Variants in TCAF1 observed in about 807,000 individuals in gnomAD.
TCAF1 encodes TRPM8 channel associated factor 1, also known as TRPM8 channel-associated factor 1.
A neutral mutation model predicts 27.3 loss-of-function variants in TCAF1; 4 were observed. The ratio of observed to expected loss-of-function variants is 0.15; its 90% CI spans 0.07 to 0.34. The LOEUF is 0.34. Ranked by LOEUF, TCAF1 falls within the 10% of genes least tolerant of loss-of-function variation. TCAF1 has a pLI of 1.00. For missense variants in TCAF1, 257 were observed against 425.8 expected (o/e 0.60, Z 3.49); for synonymous variants, 105 against 167.1 (o/e 0.63, Z 2.87).
chr7:143,880,719 G>A (rs1404820326), intron 1 of TCAF1, among the ~76,000 whole-genome samples: 1 of 152,158 alleles, frequency 6.6e-6, no homozygotes, highest in Non-Finnish European at 1.5e-5. Flanking sequence ...TTGTGCATCT[G>A]CCCATCTATA....
intron 1 of TCAF1, among the ~76,000 whole-genome samples, chr7:143,896,775 T>C (rs934911280): frequency 1.3e-5 from 2 of 151,810 alleles, no homozygotes; most frequent in Non-Finnish European, 2.9e-5. Context: ...ATATCAAAAC[T>C]TGTCAGATGT....
chr7:143,882,319 C>T, intron 1 of TCAF1: 1 of 853,484 alleles, frequency 1.2e-6, no homozygotes, highest in Non-Finnish European at 1.4e-6. Context: ...GGACAGTAGG[C>T]CACAAGTAAT....
intron 2 of TCAF1, among the ~76,000 whole-genome samples, chr7:143,875,258 A>C (rs1224799342): frequency 1.3e-5 from 2 of 152,204 alleles, no homozygotes; most frequent in African/African-American, 4.8e-5. Flanking sequence ...GGACTAATCC[A>C]GCTTATAATC....
chr7:143,896,995 T>C (rs1168063249), intron 1 of TCAF1, among the ~76,000 whole-genome samples: 2 of 150,600 alleles, frequency 1.3e-5, no homozygotes, highest in African/African-American at 4.8e-5. Flanking sequence ...ATGTAGACCA[T>C]GTTCTGGAAA....
intron 1 of TCAF1, among the ~76,000 whole-genome samples, chr7:143,883,655 G>A (rs1316217850): frequency 6.6e-6 from 1 of 151,874 alleles, no homozygotes. Flanking sequence ...ACAGGCGCCC[G>A]CCATCACGCC....
intron 1 of TCAF1, among the ~76,000 whole-genome samples, chr7:143,897,037 T>C (rs146719984): frequency 0.025 from 3,746 of 148,758 alleles, 82 homozygotes; most frequent in South Asian, 0.051. Context: ...TGTACACATA[T>C]TAACAATGAA....
At chr7:143,899,201 G>C (rs897100462) in intron 1 of TCAF1, among the ~76,000 whole-genome samples, 2 of 152,164 alleles carry the variant, frequency 1.3e-5, no homozygotes, top group African/African-American at 4.8e-5. Context: ...TGGAGAACTT[G>C]ATAAGTTTAT....
chr7:143,897,131 AATATATATATATATAT>A (rs5888117), intron 1 of TCAF1, among the ~76,000 whole-genome samples: 1,047 of 80,368 alleles, frequency 0.013, 25 homozygotes, highest in African/African-American at 0.036. Flanking sequence ...GTTAATCTTG[AATATATATATATATAT>A]ATATATATAT....
At chr7:143,882,825 C>A in intron 1 of TCAF1, 2 of 985,682 alleles carry the variant, frequency 2.0e-6, no homozygotes, top group South Asian at 9.4e-5. Context: ...TTCCCTGTAC[C>A]AGTGACTGGG....
At chr7:143,891,154 C>T (rs1813620440) in intron 1 of TCAF1, among the ~76,000 whole-genome samples, 1 of 152,218 alleles carries the variant, frequency 6.6e-6, no homozygotes, top group Admixed American at 6.5e-5. Context: ...TCTGCTGGTA[C>T]TTTATCTGCC....
chr7:143,883,932 A>T (rs965459914), intron 1 of TCAF1, among the ~76,000 whole-genome samples: 4 of 152,140 alleles, frequency 2.6e-5, no homozygotes, highest in African/African-American at 9.7e-5. Context: ...AGGGACCCAG[A>T]CTAAGTGGAC....
At chr7:143,889,955 G>A (rs1261497706) in intron 1 of TCAF1, among the ~76,000 whole-genome samples, 3 of 151,950 alleles carry the variant, frequency 2.0e-5, no homozygotes, top group Admixed American at 6.6e-5. Context: ...TTCTGACTTC[G>A]TTTCCTAATC....
At chr7:143,883,390 G>C (rs759000080) in intron 1 of TCAF1, among the ~76,000 whole-genome samples, 1 of 151,166 alleles carries the variant, frequency 6.6e-6, no homozygotes, top group African/African-American at 2.4e-5. Context: ...ACTGTTTGCA[G>C]TTACGTGTCT....
intron 1 of TCAF1, among the ~76,000 whole-genome samples, chr7:143,891,969 T>C (rs189773681): frequency 6.6e-6 from 1 of 151,632 alleles, no homozygotes; most frequent in African/African-American, 2.4e-5. Flanking sequence ...TCCTAAAAGA[T>C]GAAAGAAAAA....
intron 1 of TCAF1, among the ~76,000 whole-genome samples, chr7:143,897,198 C>A (rs1813923441): frequency 1.6e-5 from 2 of 121,928 alleles, no homozygotes; most frequent in Admixed American, 2.0e-4. Context: ...ACACTTCATC[C>A]TTGAATAATC....
At chr7:143,887,055 C>T (rs914218697) in intron 1 of TCAF1, among the ~76,000 whole-genome samples, 1 of 151,980 alleles carries the variant, frequency 6.6e-6, no homozygotes, top group Non-Finnish European at 1.5e-5. Flanking sequence ...CAGTCTCAGA[C>T]ACCACATTAT....
intron 1 of TCAF1, chr7:143,885,339 G>T: frequency 1.0e-6 from 1 of 985,444 alleles, no homozygotes; most frequent in Middle Eastern, 5.2e-4. Flanking sequence ...GAGGAGGCGT[G>T]TGGGGGGAGG....
chr7:143,893,093 GC>G, intron 1 of TCAF1, among the ~76,000 whole-genome samples: 1 of 152,100 alleles, frequency 6.6e-6, no homozygotes, highest in East Asian at 1.9e-4. Context: ...GGTACACCAA[GC>G]AAACATTAAC....
chr7:143,893,735 A>G (rs79919610), intron 1 of TCAF1, among the ~76,000 whole-genome samples: 9,323 of 151,978 alleles, frequency 0.061, 312 homozygotes, highest in South Asian at 0.14. Flanking sequence ...ACAATTTATC[A>G]AAATTTGCAG....
Sources: gnomAD v4.1 joint callset for allele counts (sites outside exome capture counted in the v4.1 genomes callset) on GRCh38, gnomAD v4.1.1 for gene constraint, MANE v1.5 for transcripts, NCBI Gene and HGNC (gene_info 2026-07-23, HGNC 2026-07-21) for gene names.